Variants in ALCAM observed in about 807,000 individuals in gnomAD.
ALCAM encodes activated leukocyte cell adhesion molecule.
A neutral mutation model predicts 70.9 loss-of-function variants in ALCAM; 30 were observed. The observed-to-expected ratio is 0.42, with a 90% CI of 0.32 to 0.57. The LOEUF is 0.57. ALCAM is among the 20% of genes least tolerant of loss of function. The pLI is 0.11. For missense variants in ALCAM, 591 were observed against 695.1 expected, an observed-to-expected ratio of 0.85 and a Z score of 1.68; for synonymous variants, 249 against 242.5, an observed-to-expected ratio of 1.03 and a Z score of -0.25.
chr3:105,568,068 T>A (rs13068609), intron 14 of ALCAM, among the ~76,000 whole-genome samples: 370 of 134,968 alleles, frequency 2.7e-3, no homozygotes, highest in East Asian at 0.01. Flanking sequence ...ATTTTATTTT[T>A]TTTTTTTTTT....
intron 1 of ALCAM, among the ~76,000 whole-genome samples, chr3:105,394,838 T>G (rs1279049202): frequency 6.6e-6 from 1 of 151,964 alleles, no homozygotes; most frequent in African/African-American, 2.4e-5. Flanking sequence ...TTGGGAAATT[T>G]TTTAGATAAT....
chr3:105,539,618 A>G (rs1401550476), intron 6 of ALCAM, among the ~76,000 whole-genome samples: 1 of 152,042 alleles, frequency 6.6e-6, no homozygotes, highest in Non-Finnish European at 1.5e-5. Flanking sequence ...GTCCTTCCAA[A>G]CTATAAGATT....
intron 1 of ALCAM, among the ~76,000 whole-genome samples, chr3:105,455,513 T>C (rs1480425870): frequency 6.7e-6 from 1 of 150,024 alleles, no homozygotes; most frequent in Non-Finnish European, 1.5e-5. Context: ...ACAGGTAAGG[T>C]AGAAATGGTA....
intron 1 of ALCAM, among the ~76,000 whole-genome samples, chr3:105,417,627 G>T (rs192799364): frequency 6.6e-6 from 1 of 151,870 alleles, no homozygotes; most frequent in East Asian, 1.9e-4. Context: ...TCAGGAAATT[G>T]TAAGATAATT....
chr3:105,562,125 G>T (rs1394197010), intron 14 of ALCAM, among the ~76,000 whole-genome samples: 1 of 152,178 alleles, frequency 6.6e-6, no homozygotes. Context: ...AGAAGGCCCT[G>T]CCCTGAGACA....
At chr3:105,460,395 G>GGT (rs759468058) in intron 1 of ALCAM, among the ~76,000 whole-genome samples, 3 of 151,940 alleles carry the variant, frequency 2.0e-5, no homozygotes, top group Non-Finnish European at 4.4e-5. Flanking sequence ...CAGACTTGAT[G>GGT]GTGCCAAAAC....
chr3:105,457,689 T>C (rs535171943), intron 1 of ALCAM, among the ~76,000 whole-genome samples: 1 of 152,292 alleles, frequency 6.6e-6, no homozygotes, highest in South Asian at 2.1e-4. Context: ...GCCCATATGC[T>C]GGAAGAAGGC....
intron 1 of ALCAM, among the ~76,000 whole-genome samples, chr3:105,500,456 A>G (rs773650338): frequency 2.6e-5 from 4 of 152,156 alleles, no homozygotes; most frequent in Non-Finnish European, 4.4e-5. Context: ...TTCAGCAACT[A>G]TGGAGAAAAT....
chr3:105,371,651 T>C (rs1338773200), intron 1 of ALCAM, among the ~76,000 whole-genome samples: 1 of 152,058 alleles, frequency 6.6e-6, no homozygotes, highest in Non-Finnish European at 1.5e-5. Flanking sequence ...CAGATAGTAT[T>C]TTAAATGCTT....
Position 105,367,171 on chromosome 3 carries a change from A to C in ALCAM, c.-238A>C. Reference sequence around the variant, plus strand: ...TCGTTGTCCCCGGAGGAGCAGCCGAAGGGCCCGTGGGCTGGTGTTGACCGG... The same window carrying C: ...TCGTTGTCCCCGGAGGAGCAGCCGACGGGCCCGTGGGCTGGTGTTGACCGG... On this transcript the variant is annotated 5_prime_UTR_variant, in exon 1 of 16. Coordinates refer to ENST00000306107, the MANE Select transcript of ALCAM (RefSeq NM_001627.4). 2 of 535,490 alleles carry C rather than the reference A, an allele frequency of 3.7e-6. No homozygotes were observed. The highest frequency in any genetic ancestry group is 4.3e-5 in the South Asian group (2 of 46,816). The allele number at this position is 535,490 out of a possible 1,614,324, so 33.2% of individuals were successfully genotyped here. A position where few individuals can be genotyped will look rare whatever the true frequency, so the allele number is the denominator to read the frequency against.
intron 1 of ALCAM, among the ~76,000 whole-genome samples, chr3:105,406,638 G>C (rs1936238954): frequency 6.6e-6 from 1 of 151,724 alleles, no homozygotes; most frequent in African/African-American, 2.4e-5. Context: ...TATGGAACTG[G>C]AGGAACAAAA....
At chr3:105,412,596 T>C (rs1936417453) in intron 1 of ALCAM, among the ~76,000 whole-genome samples, 1 of 152,154 alleles carries the variant, frequency 6.6e-6, no homozygotes, top group Non-Finnish European at 1.5e-5. Context: ...ATGTTGAAAG[T>C]GTCATATTGT....
At chr3:105,375,986 G>C (rs940837846) in intron 1 of ALCAM, among the ~76,000 whole-genome samples, 2 of 152,056 alleles carry the variant, frequency 1.3e-5, no homozygotes, top group Non-Finnish European at 2.9e-5. Context: ...CTTTTGAGAG[G>C]CTCAAGCAGT....
chr3:105,395,010 C>T (rs1386697718), intron 1 of ALCAM, among the ~76,000 whole-genome samples: 5 of 151,966 alleles, frequency 3.3e-5, no homozygotes, highest in African/African-American at 9.6e-5. Context: ...CTGTATTTCA[C>T]GGAGTAATTT....
intron 1 of ALCAM, among the ~76,000 whole-genome samples, chr3:105,451,953 AG>A (rs749398032): frequency 2.5e-4 from 38 of 152,238 alleles, no homozygotes; most frequent in Non-Finnish European, 4.7e-4. Context: ...ATCTCAGGGT[AG>A]TCCTTGATTT....
chr3:105,380,991 T>C (rs923017499), intron 1 of ALCAM, among the ~76,000 whole-genome samples: 8 of 151,898 alleles, frequency 5.3e-5, no homozygotes, highest in Admixed American at 6.6e-5. Flanking sequence ...TGTAGCCAAA[T>C]TGTTTAGTTT....
At chr3:105,565,137 C>T (rs1940715796) in intron 14 of ALCAM, among the ~76,000 whole-genome samples, 2 of 152,168 alleles carry the variant, frequency 1.3e-5, no homozygotes, top group Non-Finnish European at 2.9e-5. Context: ...GGCAACAGAG[C>T]AAGACCCCAT....
intron 1 of ALCAM, among the ~76,000 whole-genome samples, chr3:105,488,875 A>G (rs1200271607): frequency 1.3e-5 from 2 of 152,198 alleles, no homozygotes; most frequent in Non-Finnish European, 2.9e-5. Flanking sequence ...CTCTTCTGCA[A>G]AATGCAAGAT....
chr3:105,425,941 T>C (rs1044315997), intron 1 of ALCAM, among the ~76,000 whole-genome samples: 1 of 151,830 alleles, frequency 6.6e-6, no homozygotes, highest in East Asian at 1.9e-4. Flanking sequence ...CAAATGGAGA[T>C]GCTTACATGA....
Sources: allele counts gnomAD v4.1 joint callset (sites outside exome capture counted in the v4.1 genomes callset), GRCh38; gene constraint gnomAD v4.1.1; transcripts MANE v1.5; gene names NCBI Gene and HGNC (gene_info 2026-07-23, HGNC 2026-07-21).